The following BEND6 variants were observed in gnomAD, a reference collection of about 807,000 sequenced individuals.
BEND6 encodes the protein BEN domain-containing protein 6.
In BEND6, 24 loss-of-function variants were observed where a neutral mutation model predicts 31.8. The ratio of observed to expected loss-of-function variants is 0.75; its 90% confidence interval spans 0.55 to 1.06. BEND6 has a LOEUF of 1.06. Ranked by LOEUF, BEND6 falls within the 50% of genes least tolerant of loss-of-function variation. The pLI is 0.00. For synonymous variants in BEND6, 109 were observed against 114.6 expected (o/e 0.95, Z 0.31); for missense variants, 294 against 327.4 (o/e 0.90, Z 0.79).
intron 2 of BEND6, among the ~76,000 whole-genome samples, chr6:56,991,763 A>C (rs1826510879): frequency 6.6e-6 from 1 of 152,110 alleles, no homozygotes; most frequent in Admixed American, 6.5e-5. Context: ...CAATGAACAC[A>C]CCCATATAAA....
intron 3 of BEND6, chr6:57,014,340 A>G (rs1827454706): frequency 4.2e-6 from 2 of 479,578 alleles, no homozygotes; most frequent in Admixed American, 4.3e-5. Context: ...GAAAAGTACA[A>G]AAAAAGTTTC....
At chr6:57,007,836 G>A (rs944840185) in intron 3 of BEND6, among the ~76,000 whole-genome samples, 3 of 152,084 alleles carry the variant, frequency 2.0e-5, no homozygotes, top group Non-Finnish European at 2.9e-5. Flanking sequence ...TTTGTTCCCG[G>A]AACCAAGCTG....
chr6:57,014,202 A>G (rs1484483142), intron 3 of BEND6, among the ~76,000 whole-genome samples: 3 of 152,268 alleles, frequency 2.0e-5, no homozygotes. Context: ...GAGGTGCTTA[A>G]TAAATGTTTT....
At chr6:57,022,164 C>CTTTTTTTTTTTT in intron 6 of BEND6, among the ~76,000 whole-genome samples, 1 of 111,160 alleles carries the variant, frequency 9.0e-6, no homozygotes, top group Non-Finnish European at 2.0e-5. Flanking sequence ...TTTTCTTTTT[C>CTTTTTTTTTTTT]TTTTTTTTTT....
At chr6:56,985,853 A>G (rs991236775) in intron 2 of BEND6, among the ~76,000 whole-genome samples, 1 of 152,162 alleles carries the variant, frequency 6.6e-6, no homozygotes, top group Non-Finnish European at 1.5e-5. Context: ...TACCTTATCT[A>G]TTGTAGAAAT....
At chr6:56,995,219 AT>A (rs200492961) in intron 3 of BEND6, among the ~76,000 whole-genome samples, 2 of 149,332 alleles carry the variant, frequency 1.3e-5, no homozygotes, top group East Asian at 3.9e-4. Context: ...TATTTCTCCC[AT>A]TTAAAAAAAA....
At chr6:57,024,571 C>A (rs184244397) in intron 6 of BEND6, among the ~76,000 whole-genome samples, 81 of 152,062 alleles carry the variant, frequency 5.3e-4, no homozygotes, top group African/African-American at 1.8e-3. Flanking sequence ...GTTGAGAAGT[C>A]TATTGCCAGG....
intron 1 of BEND6, among the ~76,000 whole-genome samples, chr6:56,979,786 A>G (rs1453749014): frequency 1.2e-4 from 19 of 152,190 alleles, no homozygotes. Context: ...TATCTAAAAT[A>G]TTTACTATCC....
intron 1 of BEND6, among the ~76,000 whole-genome samples, chr6:56,965,333 A>G (rs1825435249): frequency 6.6e-6 from 1 of 152,082 alleles, no homozygotes; most frequent in African/African-American, 2.4e-5. Flanking sequence ...CAGCACATTA[A>G]TTATATTTAG....
At chr6:56,959,670 C>A (rs971538989) in intron 1 of BEND6, among the ~76,000 whole-genome samples, 1 of 152,044 alleles carries the variant, frequency 6.6e-6, no homozygotes, top group Non-Finnish European at 1.5e-5. Flanking sequence ...TTACTATTTT[C>A]TTTTTAATAT....
intron 1 of BEND6, among the ~76,000 whole-genome samples, chr6:56,978,760 C>T (rs1208936012): frequency 6.6e-6 from 1 of 152,080 alleles, no homozygotes; most frequent in Non-Finnish European, 1.5e-5. Flanking sequence ...TGCACTGGAG[C>T]GAAGATTGAA....
chr6:56,980,393 T>C (rs1765410779), intron 1 of BEND6, among the ~76,000 whole-genome samples: 1 of 152,318 alleles, frequency 6.6e-6, no homozygotes, highest in Admixed American at 6.5e-5. Flanking sequence ...TTCACCATGT[T>C]GCCTAGGCTG....
chr6:56,970,344 G>T (rs1225970567), intron 1 of BEND6, among the ~76,000 whole-genome samples: 4 of 152,038 alleles, frequency 2.6e-5, no homozygotes, highest in African/African-American at 9.7e-5. Flanking sequence ...ACAGGCACGT[G>T]CCACCATGCC....
chr6:56,956,019 GGCCAGGAAGCGGCTGCTGCA>G (rs1824864886), intron 1 of BEND6, among the ~76,000 whole-genome samples: 2 of 152,222 alleles, frequency 1.3e-5, no homozygotes, highest in African/African-American at 4.8e-5. Flanking sequence ...ACGGCCACCT[GGCCAGGAAGCGGCTGCTGCA>G]GCAGTCATTC....
intron 3 of BEND6, among the ~76,000 whole-genome samples, chr6:57,007,916 C>G (rs1049348504): frequency 1.3e-5 from 2 of 152,130 alleles, no homozygotes; most frequent in Non-Finnish European, 2.9e-5. Flanking sequence ...GAATTTATTG[C>G]TATAACCAGA....
chr6:56,996,087 T>C (rs1409841154), intron 3 of BEND6, among the ~76,000 whole-genome samples: 6 of 152,204 alleles, frequency 3.9e-5, no homozygotes, highest in African/African-American at 1.2e-4. Context: ...GGCTCAGTAC[T>C]AGGACTTTTT....
At chr6:56,972,359 T>A (rs1312002338) in intron 1 of BEND6, among the ~76,000 whole-genome samples, 1 of 152,166 alleles carries the variant, frequency 6.6e-6, no homozygotes, top group African/African-American at 2.4e-5. Context: ...CCTCCCAAAG[T>A]GCTGGGATTA....
chr6:57,006,776 A>G (rs1044495566), intron 3 of BEND6, among the ~76,000 whole-genome samples: 1 of 152,256 alleles, frequency 6.6e-6, no homozygotes, highest in African/African-American at 2.4e-5. Context: ...GACCCTGAAT[A>G]GCCAAAGCAA....
intron 1 of BEND6, among the ~76,000 whole-genome samples, chr6:56,976,971 T>C (rs575119201): frequency 6.6e-6 from 1 of 152,308 alleles, no homozygotes; most frequent in African/African-American, 2.4e-5. Flanking sequence ...CACAGGAAAA[T>C]AGCAGTCAGA....
Sources: allele counts gnomAD v4.1 joint callset (sites outside exome capture counted in the v4.1 genomes callset), GRCh38; gene constraint gnomAD v4.1.1; transcripts MANE v1.5; gene names NCBI Gene and HGNC (gene_info 2026-07-23, HGNC 2026-07-21).